Variants in THSD7B observed in about 807,000 individuals in gnomAD.
The protein encoded by THSD7B is thrombospondin type 1 domain containing 7B, also known as thrombospondin type-1 domain-containing protein 7B.
THSD7B carries 138 observed loss-of-function variants against 213.6 expected under a neutral mutation model. The ratio of observed to expected loss-of-function variants is 0.65; its 90% confidence interval spans 0.56 to 0.74. The LOEUF (loss-of-function observed/expected upper bound fraction) is 0.74. Ranked by LOEUF, THSD7B falls within the 30% of genes least tolerant of loss-of-function variation. THSD7B has a pLI of 0.00. For missense variants in THSD7B, 1,931 were observed against 1,991.5 expected, an observed-to-expected ratio of 0.97 and a Z score of 0.58; for synonymous variants, 742 against 687.0, an observed-to-expected ratio of 1.08 and a Z score of -1.25.
intron 6 of THSD7B, among the ~76,000 whole-genome samples, chr2:137,163,449 A>T (rs1391979097): frequency 6.6e-6 from 1 of 152,176 alleles, no homozygotes; most frequent in Non-Finnish European, 1.5e-5. Flanking sequence ...CAGAGAGGAG[A>T]GTGCCATGTG....
chr2:137,067,099 C>T (rs1177902103), intron 3 of THSD7B, among the ~76,000 whole-genome samples: 2 of 152,098 alleles, frequency 1.3e-5, no homozygotes, highest in Non-Finnish European at 1.5e-5. Context: ...ACATTGTCTA[C>T]TTTTTCACTA....
At chr2:137,517,560 G>A (rs1279610980) in intron 15 of THSD7B, among the ~76,000 whole-genome samples, 1 of 152,164 alleles carries the variant, frequency 6.6e-6, no homozygotes, top group Non-Finnish European at 1.5e-5. Context: ...GAATTTTGGA[G>A]GCAACACATT....
intron 12 of THSD7B, among the ~76,000 whole-genome samples, chr2:137,399,907 A>G (rs1029125789): frequency 6.6e-6 from 1 of 151,656 alleles, no homozygotes; most frequent in Non-Finnish European, 1.5e-5. Context: ...TTTTCTCTTT[A>G]TTTTTGTCTG....
chr2:136,821,811 T>G (rs531148754), intron 1 of THSD7B, among the ~76,000 whole-genome samples: 13 of 152,312 alleles, frequency 8.5e-5, no homozygotes, highest in African/African-American at 3.1e-4. Context: ...TTTAAAACCT[T>G]CTACCAATGA....
chr2:137,142,375 C>T (rs968388426), intron 5 of THSD7B, among the ~76,000 whole-genome samples: 2 of 152,122 alleles, frequency 1.3e-5, no homozygotes, highest in African/African-American at 4.8e-5. Flanking sequence ...GAGGAGCCCT[C>T]CTGACCAAAA....
intron 5 of THSD7B, among the ~76,000 whole-genome samples, chr2:137,152,238 ACACTTACCTTTCCTAAGG>A (rs1172887897): frequency 1.3e-5 from 2 of 152,058 alleles, no homozygotes; most frequent in Non-Finnish European, 2.9e-5. Flanking sequence ...TACTTTAACA[ACACTTACCTTTCCTAAGG>A]TTTAGCTTGT....
chr2:137,265,390 G>A (rs1682563054), intron 10 of THSD7B, among the ~76,000 whole-genome samples: 1 of 152,214 alleles, frequency 6.6e-6, no homozygotes, highest in Non-Finnish European at 1.5e-5. Flanking sequence ...TTCAACCACT[G>A]TGGAAGTCAG....
intron 2 of THSD7B, among the ~76,000 whole-genome samples, chr2:137,037,261 G>A (rs890186556): frequency 2.0e-5 from 3 of 152,032 alleles, no homozygotes; most frequent in African/African-American, 7.2e-5. Context: ...ACATATGTGA[G>A]TACTGCAAAT....
At chr2:137,626,457 C>CT (rs1335246922) in intron 20 of THSD7B, among the ~76,000 whole-genome samples, 1 of 124,352 alleles carries the variant, frequency 8.0e-6, no homozygotes, top group Non-Finnish European at 1.6e-5. Context: ...GAGCGAGACT[C>CT]TGTCTCAAAA....
In THSD7B at chr2:137,056,723, A is replaced by T; in HGVS notation, c.443A>T (p.Lys148Met). Reference protein sequence around the residue: ...LQHRMVRCIQKLNRTVVANEI... With the variant: ...LQHRMVRCIQMLNRTVVANEI... Reference sequence around the variant, plus strand: ...CACCGGATGGTGCGCTGCATTCAGAAGCTGAACCGAACTGTGGTTGCAAAT... The same window carrying T: ...CACCGGATGGTGCGCTGCATTCAGATGCTGAACCGAACTGTGGTTGCAAAT... The change falls in exon 3 of 28, where the codon AAG becomes ATG. Residue 148 changes from lysine to methionine, a missense_variant. Lys to Met is a moderately conservative substitution (Grantham distance 95). Transcript: ENST00000409968. 6.2e-7 allele frequency: 1 copy of T among 1,613,996 alleles called. No homozygotes were observed.
chr2:137,267,294 A>G (rs1304761705), intron 10 of THSD7B, among the ~76,000 whole-genome samples: 2 of 152,182 alleles, frequency 1.3e-5, no homozygotes, highest in Non-Finnish European at 2.9e-5. Flanking sequence ...TGCTTGAGCA[A>G]TTGTTGATGT....
At chr2:137,667,970 C>T in intron 27 of THSD7B, 109 bp downstream of exon 27, 1 of 779,144 alleles carries the variant, frequency 1.3e-6, no homozygotes, top group Non-Finnish European at 1.9e-6. Context: ...ATTCTTGAGT[C>T]CAAAAATTAA....
intron 12 of THSD7B, among the ~76,000 whole-genome samples, chr2:137,365,891 G>A (rs1193311948): frequency 6.6e-6 from 1 of 152,144 alleles, no homozygotes; most frequent in Non-Finnish European, 1.5e-5. Context: ...CCATTACTGG[G>A]TATATACCCA....
At chr2:137,043,452 C>G (rs1686917423) in intron 2 of THSD7B, among the ~76,000 whole-genome samples, 1 of 152,120 alleles carries the variant, frequency 6.6e-6, no homozygotes, top group Admixed American at 6.5e-5. Flanking sequence ...TCTGCCTGGT[C>G]ACCCTAGGCA....
At chr2:137,374,564 T>C (rs919218175) in intron 12 of THSD7B, among the ~76,000 whole-genome samples, 6 of 152,208 alleles carry the variant, frequency 3.9e-5, no homozygotes, top group African/African-American at 1.4e-4. Context: ...AAGTGATGTA[T>C]GAATTTTTTT....
intron 12 of THSD7B, among the ~76,000 whole-genome samples, chr2:137,316,675 G>A (rs1257449529): frequency 1.7e-4 from 26 of 151,286 alleles, no homozygotes; most frequent in Admixed American, 3.3e-4. Flanking sequence ...GGAGAATGGC[G>A]TGAACCCTGG....
chr2:137,596,593 C>A (rs1465458723), intron 17 of THSD7B, among the ~76,000 whole-genome samples: 1 of 151,960 alleles, frequency 6.6e-6, no homozygotes, highest in East Asian at 1.9e-4. Flanking sequence ...AAAGCACATG[C>A]AAATTGAGTT....
At chr2:137,338,274 C>T (rs778978125) in intron 12 of THSD7B, among the ~76,000 whole-genome samples, 5 of 152,010 alleles carry the variant, frequency 3.3e-5, no homozygotes, top group Admixed American at 6.6e-5. Flanking sequence ...TGGCGAATAG[C>T]TTCTCCCAGA....
At chr2:137,546,857 A>G (rs1163454138) in intron 15 of THSD7B, among the ~76,000 whole-genome samples, 5 of 151,766 alleles carry the variant, frequency 3.3e-5, no homozygotes, top group Non-Finnish European at 5.9e-5. Context: ...TACCTTACCA[A>G]CAGTAGTCTT....
Sources: gnomAD v4.1 joint callset for allele counts (sites outside exome capture counted in the v4.1 genomes callset) on GRCh38, gnomAD v4.1.1 for gene constraint, MANE v1.5 for transcripts, NCBI Gene and HGNC (gene_info 2026-07-23, HGNC 2026-07-21) for gene names.